RASA1: variants seen among roughly 807,000 people sequenced by gnomAD.
RASA1 encodes the protein RAS p21 protein activator 1, also known as ras GTPase-activating protein 1.
In RASA1, 25 loss-of-function variants were observed where a neutral mutation model predicts 132.2. That is an observed-to-expected ratio of 0.19 (90% CI 0.14 to 0.26). The LOEUF is 0.26. RASA1 is among the 10% of genes least tolerant of loss of function. The probability of loss-of-function intolerance (pLI) is 1.00; values close to 1 mark genes in which losing one functional copy is unlikely to be tolerated. For synonymous variants in RASA1, 477 were observed against 449.9 expected (o/e 1.06, Z -0.76); for missense variants, 964 against 1,299.2 (o/e 0.74, Z 3.97).
chr5:87,295,866 G>GA (rs1755097417), intron 1 of RASA1, among the ~76,000 whole-genome samples: 1 of 151,572 alleles, frequency 6.6e-6, no homozygotes, highest in Non-Finnish European at 1.5e-5. Context: ...ATCCAGGCTG[G>GA]AATGCAGTGT....
chr5:87,282,008 T>G (rs1754341344), intron 1 of RASA1, among the ~76,000 whole-genome samples: 1 of 152,220 alleles, frequency 6.6e-6, no homozygotes, highest in South Asian at 2.1e-4. Context: ...CTTTTTAGTT[T>G]TGTTGATAGT....
chr5:87,338,061 C>G lies in RASA1; in HGVS notation c.987C>G (p.Gly329=), dbSNP rs1374950938. ...WVTNLRTDEQ[G]LIVEDLVEEV... The stretch of plus-strand genomic sequence containing the variant: ...CAAATTTAAGAACAGATGAACAAGG[C>G]CTTATTGTTGAAGACCTAGTAGAAG... The change falls in exon 5 of 25, where the codon GGC becomes GGG. Residue 329 remains glycine, a synonymous_variant. Transcript: ENST00000274376. 1 of 1,611,988 alleles carries G rather than the reference C, an allele frequency of 6.2e-7. No homozygotes were observed. The highest frequency in any genetic ancestry group is 8.5e-7 in the Non-Finnish European group (1 of 1,178,924).
At chr5:87,374,459 A>ATTTTTTTTTTTTTTT (rs770426797) in intron 14 of RASA1, 139 bp downstream of exon 14, 4 of 164,172 alleles carry the variant, frequency 2.4e-5, no homozygotes, top group African/African-American at 3.0e-5. Context: ...ATATATATAT[A>ATTTTTTTTTTTTTTT]TTTTTTTTTT....
At chr5:87,290,279 A>G (rs1015291512) in intron 1 of RASA1, among the ~76,000 whole-genome samples, 1 of 152,242 alleles carries the variant, frequency 6.6e-6, no homozygotes, top group Non-Finnish European at 1.5e-5. Flanking sequence ...AGTTTGAGTA[A>G]AATGGTGAAT....
intron 1 of RASA1, among the ~76,000 whole-genome samples, chr5:87,287,168 T>C (rs1192493447): frequency 7.0e-6 from 1 of 143,324 alleles, no homozygotes; most frequent in East Asian, 2.1e-4. Context: ...ACTGTATATA[T>C]ACACACCATA....
At chr5:87,275,794 C>T (rs972570478) in intron 1 of RASA1, among the ~76,000 whole-genome samples, 1 of 152,180 alleles carries the variant, frequency 6.6e-6, no homozygotes, top group Admixed American at 6.5e-5. Context: ...TGGTCTCGAA[C>T]TCCTGACCTC....
chr5:87,302,705 A>G lies in RASA1; in HGVS notation c.540-28643A>G, dbSNP rs2112287723. Among the ~76,000 whole-genome samples, 3 of 151,380 alleles carry G rather than the reference A, an allele frequency of 2.0e-5. No individual in the cohort carries two copies. The South Asian group carries it at 6.3e-4, about 32-fold the overall frequency. ...GTGTAATCCATACTTAAAGAACCCC[A>G]GAATATTATCAGCATCCTAGATATC... is the stretch of plus-strand genomic sequence containing the variant. On this transcript the variant is annotated intron_variant, in intron 1 of 24. Coordinates refer to ENST00000274376, the MANE Select transcript of RASA1 (RefSeq NM_002890.3).
chr5:87,299,713 G>A (rs1755277771), intron 1 of RASA1: 1 of 151,984 alleles, frequency 6.6e-6, no homozygotes, highest in Non-Finnish European at 1.5e-5. Flanking sequence ...TCACAAATTT[G>A]CATGTCATCC....
In RASA1 at chr5:87,361,765, TA is replaced by T. The variant is rs151139365; in HGVS notation, c.1333-785del. On this transcript the variant is annotated intron_variant, in intron 9 of 24. Transcript: ENST00000274376. ...ACAGGGCTTTTGAGAAAAGTGAGGT[TA>T]GGGGTGTTAACACTTAGAAATTTCA... Among the ~76,000 whole-genome samples the T allele has an allele frequency of 2.2e-3, 334 of 152,266 alleles. 1 individual carries two copies. Among genetic ancestry groups the T allele is most frequent in the African/African-American group, 7.8e-3 (323 of 41,558 alleles).
chr5:87,274,788 A>G (rs1245552678), intron 1 of RASA1, among the ~76,000 whole-genome samples: 2 of 152,164 alleles, frequency 1.3e-5, no homozygotes, highest in African/African-American at 4.8e-5. Context: ...TACTTAATTT[A>G]TTTTCTGAGC....
chr5:87,282,957 G>A (rs1007565786), intron 1 of RASA1, among the ~76,000 whole-genome samples: 3 of 152,004 alleles, frequency 2.0e-5, no homozygotes, highest in Non-Finnish European at 2.9e-5. Flanking sequence ...GTTACCTTAC[G>A]TACTCAGCAT....
intron 16 of RASA1, 157 bp from the exon 17 acceptor site, chr5:87,376,724 T>A: frequency 8.2e-7 from 1 of 1,216,714 alleles, no homozygotes; most frequent in Non-Finnish European, 1.2e-6. Context: ...TTGGTAGAAA[T>A]AAGTAGACTA....
chr5:87,366,376 G>A (rs1277966905), intron 11 of RASA1: 6 of 428,680 alleles, frequency 1.4e-5, no homozygotes, highest in South Asian at 3.3e-5. Flanking sequence ...AAGTCTGTTG[G>A]CACAATCAAA....
chr5:87,294,522 C>G (rs1264203835), intron 1 of RASA1: 1 of 152,198 alleles, frequency 6.6e-6, no homozygotes, highest in Non-Finnish European at 1.5e-5. Flanking sequence ...TGCATTCAAA[C>G]TATAAGTTTT....
At chr5:87,299,470 G>C (rs1407179600) in intron 1 of RASA1, among the ~76,000 whole-genome samples, 2 of 152,048 alleles carry the variant, frequency 1.3e-5, no homozygotes, top group African/African-American at 4.8e-5. Context: ...ATGTTTTATA[G>C]TTACCAAAAA....
At chr5:87,321,422 G>C (rs1185406914) in intron 1 of RASA1, among the ~76,000 whole-genome samples, 1 of 152,130 alleles carries the variant, frequency 6.6e-6, no homozygotes, top group African/African-American at 2.4e-5. Flanking sequence ...GCTCAGTCTT[G>C]GGGTCTGGGC....
chr5:87,332,535 A>G lies in RASA1; in HGVS notation c.721A>G (p.Ile241Val). 2 of 1,607,634 alleles carry G rather than the reference A, an allele frequency of 1.2e-6. No homozygotes were observed. The highest frequency in any genetic ancestry group is 1.7e-6 in the Non-Finnish European group (2 of 1,174,496). ...RIIAMCGDYY[I>V]GGRRFSSLSD... ...TATTGCTATGTGTGGAGATTACTAC[A>G]TTGGTGGAAGACGTTTTTCTTCACT... is the stretch of plus-strand genomic sequence containing the variant. Residue 241 changes from isoleucine to valine, a missense_variant, in exon 3 of 25, where the codon ATT becomes GTT. Around this residue, in one of 6 missense-constraint regions of RASA1, gnomAD observed 154 missense variants for 286.5 expected, o/e 0.54. Transcript: ENST00000274376.
At chr5:87,349,648 G>C (rs1479054705) in intron 8 of RASA1, among the ~76,000 whole-genome samples, 1 of 151,822 alleles carries the variant, frequency 6.6e-6, no homozygotes, top group Non-Finnish European at 1.5e-5. Context: ...TGTGTTATCT[G>C]TAGGAGGAGC....
In RASA1 at chr5:87,372,179, A is replaced by G. The variant is rs894219060; in HGVS notation, c.1760A>G (p.Asn587Ser). ...CGGAAAAGTAGTCCAGGGACATCCAATAAACGCCTTCGTCAGGTGAAGCTT... is the reference window on the plus strand; with the variant it reads ...CGGAAAAGTAGTCCAGGGACATCCAGTAAACGCCTTCGTCAGGTGAAGCTT... ...NLRKSSPGTS[N>S]KRLRQVSSLV... Residue 587 changes from asparagine (N) to serine (S), a missense_variant, in exon 13 of 25, where the codon AAT becomes AGT. Transcript: ENST00000274376. The G allele has an allele frequency of 6.2e-7, 1 of 1,613,684 alleles. No homozygotes were observed.
Sources: gnomAD v4.1 joint callset for allele counts (sites outside exome capture counted in the v4.1 genomes callset) on GRCh38, gnomAD v4.1.1 for gene constraint, gnomAD v4.1.1 regional missense constraint, MANE v1.5 for transcripts, NCBI Gene and HGNC (gene_info 2026-07-23, HGNC 2026-07-21) for gene names.